The following IL19 variants were observed in gnomAD, a reference collection of about 807,000 sequenced individuals.
IL19 encodes interleukin-19.
In IL19, 15 loss-of-function variants were observed where a neutral mutation model predicts 19.5. The ratio of observed to expected loss-of-function variants is 0.77; its 90% CI spans 0.52 to 1.19. The LOEUF is 1.19. IL19 is among the 50% of genes most tolerant of loss of function. The pLI is 0.00. For synonymous variants in IL19, 78 were observed against 78.3 expected, an observed-to-expected ratio of 1.00 and a Z score of 0.02; for missense variants, 199 against 213.1, an observed-to-expected ratio of 0.93 and a Z score of 0.41.
At chr1:206,786,984 C>T (rs1484684358) in intron 1 of IL19, among the ~76,000 whole-genome samples, 1 of 152,168 alleles carries the variant, frequency 6.6e-6, no homozygotes, top group Non-Finnish European at 1.5e-5. Context: ...CAAAACTCCA[C>T]TCTCACAAAG....
chr1:206,781,913 GTATA>G (rs1276697747), intron 1 of IL19, among the ~76,000 whole-genome samples: 1 of 109,252 alleles, frequency 9.2e-6, no homozygotes, highest in African/African-American at 3.7e-5. Flanking sequence ...ACATATATAT[GTATA>G]TAGTTATATA....
At chr1:206,796,436 T>G (rs1675524589) in intron 1 of IL19, among the ~76,000 whole-genome samples, 1 of 152,208 alleles carries the variant, frequency 6.6e-6, no homozygotes, top group Admixed American at 6.5e-5. Flanking sequence ...GCTGGTGGCT[T>G]GTACTATGTT....
intron 1 of IL19, among the ~76,000 whole-genome samples, chr1:206,786,963 C>A (rs570405966): frequency 1.3e-5 from 2 of 152,120 alleles, no homozygotes; most frequent in South Asian, 2.1e-4. Flanking sequence ...TCAAAGCACT[C>A]ATTTTATCAG....
intron 1 of IL19, among the ~76,000 whole-genome samples, chr1:206,781,537 A>G (rs1675131051): frequency 6.6e-6 from 1 of 151,146 alleles, no homozygotes; most frequent in Non-Finnish European, 1.5e-5. Context: ...AAAACGTGCC[A>G]CTGACTCTCA....
chr1:206,838,200 T>C (rs1181658021), intron 4 of IL19, among the ~76,000 whole-genome samples: 2 of 152,104 alleles, frequency 1.3e-5, no homozygotes, highest in Admixed American at 6.5e-5. Context: ...GTGATGAAAG[T>C]ATGTTACAAA....
intron 2 of IL19, among the ~76,000 whole-genome samples, chr1:206,814,225 G>A (rs1361780278): frequency 6.6e-6 from 1 of 151,974 alleles, no homozygotes; most frequent in Non-Finnish European, 1.5e-5. Context: ...TATACTAAGT[G>A]TAAGTTTGAA....
At chr1:206,777,194 G>A (rs1190840998) in intron 1 of IL19, among the ~76,000 whole-genome samples, 2 of 129,978 alleles carry the variant, frequency 1.5e-5, no homozygotes, top group Non-Finnish European at 3.1e-5. Context: ...TCGCGTCACT[G>A]CACTCCAGCC....
chr1:206,833,339 C>T (rs955648082), intron 2 of IL19, among the ~76,000 whole-genome samples: 3 of 152,224 alleles, frequency 2.0e-5, no homozygotes, highest in African/African-American at 7.2e-5. Context: ...TCCTTATACG[C>T]TGGCTAAAAC....
chr1:206,780,487 C>G (rs1353674691), intron 1 of IL19, among the ~76,000 whole-genome samples: 1 of 152,226 alleles, frequency 6.6e-6, no homozygotes, highest in Non-Finnish European at 1.5e-5. Context: ...TCCTTACAAA[C>G]TATATGCCTA....
rs557092355 is a variant in IL19 at position 206,832,775 on chromosome 1, T to C, written c.-2-3886T>C. ...AGAAGAGAGTGAACCAGGGTTTAAA[T>C]CCAGAACTACGTTGTGAACCACTAT... On this transcript the variant is annotated intron_variant, in intron 2 of 6. Transcript: ENST00000659997. Among the ~76,000 whole-genome samples, 3 of 152,308 alleles carry C rather than the reference T, an allele frequency of 2.0e-5. No homozygotes were observed. In the East Asian group the frequency reaches 5.8e-4, roughly 29 times the overall value.
At chr1:206,835,809 G>A (rs1676770698) in intron 2 of IL19, among the ~76,000 whole-genome samples, 1 of 152,242 alleles carries the variant, frequency 6.6e-6, no homozygotes, top group South Asian at 2.1e-4. Context: ...AACCCCATAA[G>A]CTGTACCATT....
intron 1 of IL19, among the ~76,000 whole-genome samples, chr1:206,792,725 G>C (rs1675438223): frequency 6.6e-6 from 1 of 151,986 alleles, no homozygotes; most frequent in African/African-American, 2.4e-5. Flanking sequence ...AAAGTGCTGG[G>C]ATTACGGAAG....
intron 2 of IL19, among the ~76,000 whole-genome samples, chr1:206,803,371 A>G (rs1675765466): frequency 6.6e-6 from 1 of 152,132 alleles, no homozygotes; most frequent in African/African-American, 2.4e-5. Flanking sequence ...TTAGAGTAGC[A>G]ACGTGACTCT....
intron 6 of IL19, among the ~76,000 whole-genome samples, chr1:206,842,077 G>A (rs2102494046): frequency 6.6e-6 from 1 of 152,248 alleles, no homozygotes; most frequent in South Asian, 2.1e-4. Context: ...TAGGACACTT[G>A]CTCTAGGGGC....
At chr1:206,839,704 G>A in intron 4 of IL19, 146 bp from the exon 5 acceptor site, 1 of 700,854 alleles carries the variant, frequency 1.4e-6, no homozygotes, top group Non-Finnish European at 2.5e-6. Flanking sequence ...GAATAAGAGA[G>A]GATGAACACT....
In IL19 at chr1:206,801,365, G is replaced by C. The variant is rs1675704003; in HGVS notation, c.-3+2359G>C. On this transcript the variant is annotated intron_variant, in intron 2 of 6. Coordinates refer to ENST00000659997, the MANE Select transcript of IL19 (RefSeq NM_153758.5). ...CACTGTCCTCATGTGCCTGGAGGCG[G>C]GGGGTGGAATGGAGGCAACTTCCTG... Among the ~76,000 whole-genome samples the C allele has an allele frequency of 2.0e-5, 3 of 152,162 alleles. No homozygotes were observed. In the South Asian group the frequency reaches 6.2e-4, roughly 32 times the overall value.
At chr1:206,773,409 T>C (rs1674911303) in intron 1 of IL19, among the ~76,000 whole-genome samples, 1 of 152,204 alleles carries the variant, frequency 6.6e-6, no homozygotes, top group African/African-American at 2.4e-5. Flanking sequence ...TAGAGTTTCT[T>C]TTAGTTGTAA....
intron 2 of IL19, among the ~76,000 whole-genome samples, chr1:206,831,215 G>A (rs188028887): frequency 6.6e-6 from 1 of 152,282 alleles, no homozygotes; most frequent in Non-Finnish European, 1.5e-5. Context: ...GCGGGGATAA[G>A]GAATTGGAAG....
At chr1:206,837,690 CA>C (rs1301824639) in intron 4 of IL19, among the ~76,000 whole-genome samples, 3 of 151,972 alleles carry the variant, frequency 2.0e-5, no homozygotes, top group Admixed American at 6.6e-5. Flanking sequence ...CTCTACAAAA[CA>C]AAACAAAACA....
Sources: allele counts gnomAD v4.1 joint callset (sites outside exome capture counted in the v4.1 genomes callset), GRCh38; gene constraint gnomAD v4.1.1; transcripts MANE v1.5; gene names NCBI Gene and HGNC (gene_info 2026-07-23, HGNC 2026-07-21).